The following PKHD1L1 variants were observed in gnomAD, a reference collection of about 807,000 sequenced individuals.
PKHD1L1 encodes the protein fibrocystin-L.
PKHD1L1 carries 434 observed loss-of-function variants against 462.9 expected under a neutral mutation model. The observed-to-expected ratio is 0.94, with a 90% confidence interval of 0.87 to 1.02. The LOEUF (loss-of-function observed/expected upper bound fraction) is 1.02, where lower values mean the gene tolerates loss of function less well. Among genes scored for constraint, PKHD1L1 ranks in the 50% least tolerant of loss-of-function variants. The pLI is 0.00. For missense variants in PKHD1L1, 5,202 were observed against 5,096.1 expected (o/e 1.02, Z -0.63); for synonymous variants, 1,781 against 1,750.0 (o/e 1.02, Z -0.44).
At chr8:109,522,640 C>A in intron 74 of PKHD1L1, 104 bp from the exon 75 acceptor site, 2 of 1,166,736 alleles carry the variant, frequency 1.7e-6, no homozygotes, top group South Asian at 2.0e-5. Context: ...TGAACATATT[C>A]CAAAATAAAT....
At chr8:109,527,534 T>C (rs1031648193) in intron 77 of PKHD1L1, among the ~76,000 whole-genome samples, 1 of 152,054 alleles carries the variant, frequency 6.6e-6, no homozygotes, top group Non-Finnish European at 1.5e-5. Context: ...TGTAAATAAA[T>C]AAATAAATAA....
Position 109,507,698 on chromosome 8 carries a change from G to T in PKHD1L1, c.11030G>T (p.Cys3677Phe), listed in dbSNP as rs1004570484. 8 of 1,613,284 alleles carry T rather than the reference G, an allele frequency of 5.0e-6. No homozygotes were observed. The highest frequency in any genetic ancestry group is 6.8e-6 in the Non-Finnish European group (8 of 1,179,576). The part of the protein sequence containing the change: ...VNPSDCVDMV[C>F]DAKRKSFLRD... Reference sequence around the variant, plus strand: ...CCATCTGATTGTGTAGACATGGTTTGTGATGCCAAGAGGAAATCTTTTCTT... The same window carrying T: ...CCATCTGATTGTGTAGACATGGTTTTTGATGCCAAGAGGAAATCTTTTCTT... The change falls in exon 69 of 78, where the codon TGT becomes TTT. Residue 3677 changes from cysteine to phenylalanine, a missense_variant. Physicochemically the swap from Cys to Phe is radical, Grantham distance 205. Transcript: ENST00000378402.
intron 21 of PKHD1L1, among the ~76,000 whole-genome samples, chr8:109,416,392 A>G (rs952741021): frequency 2.0e-5 from 3 of 152,222 alleles, no homozygotes; most frequent in African/African-American, 7.2e-5. Flanking sequence ...CCTGAAATCT[A>G]TACATGCTGT....
chr8:109,383,102 T>C (rs1318170442), intron 4 of PKHD1L1, among the ~76,000 whole-genome samples: 1 of 115,976 alleles, frequency 8.6e-6, no homozygotes, highest in Non-Finnish European at 1.7e-5. Flanking sequence ...ATATAATATA[T>C]AAATAGTTAT....
Position 109,411,127 on chromosome 8 carries a change from T to C in PKHD1L1, c.2086-1138T>C, listed in dbSNP as rs998781397. On this transcript the variant is annotated intron_variant, in intron 19 of 77. Coordinates refer to ENST00000378402, the MANE Select transcript of PKHD1L1 (RefSeq NM_177531.6). ...TGGGGCATTATATGTTTTTATGTAT[T>C]ATGTAGTTTTATATAATTGCTTCTC... Among the ~76,000 whole-genome samples, 3 of 152,160 alleles carry C rather than the reference T, an allele frequency of 2.0e-5. No individual in the cohort carries two copies. The East Asian group carries it at 5.8e-4, about 29-fold the overall frequency.
intron 2 of PKHD1L1, among the ~76,000 whole-genome samples, chr8:109,365,158 A>C (rs373889121): frequency 6.6e-6 from 1 of 152,190 alleles, no homozygotes; most frequent in African/African-American, 2.4e-5. Flanking sequence ...TCTTAGGATG[A>C]AATGTAGAAG....
chr8:109,403,770 A>G (rs115543957), intron 14 of PKHD1L1, among the ~76,000 whole-genome samples: 1 of 152,284 alleles, frequency 6.6e-6, no homozygotes, highest in African/African-American at 2.4e-5. Context: ...AACTGTGGAT[A>G]CTTATTCTTC....
At chr8:109,455,505 G>A (rs1816771176) in intron 45 of PKHD1L1, among the ~76,000 whole-genome samples, 1 of 152,136 alleles carries the variant, frequency 6.6e-6, no homozygotes, top group Admixed American at 6.5e-5. Flanking sequence ...GTACCTGTCT[G>A]TGATTGCCTG....
At position 109,494,748 on chromosome 8, in the gene PKHD1L1, A is replaced by G. The variant is rs527277724; in HGVS notation, c.10327+997A>G. Among the ~76,000 whole-genome samples, 708 of 152,118 alleles carry G rather than the reference A, an allele frequency of 4.7e-3. 1 individual carries two copies. The highest frequency in any genetic ancestry group is 7.9e-3 in the Non-Finnish European group (536 of 67,890). Reference sequence around the variant, plus strand: ...TACATAAGGAAAGTATAAAAATCATAGAAAGTAATTGGGAACAAGGAGACT... The same window carrying G: ...TACATAAGGAAAGTATAAAAATCATGGAAAGTAATTGGGAACAAGGAGACT... On this transcript the variant is annotated intron_variant, in intron 63 of 77. Transcript: ENST00000378402.
intron 23 of PKHD1L1, among the ~76,000 whole-genome samples, chr8:109,423,946 A>G (rs1014297236): frequency 2.0e-5 from 3 of 152,160 alleles, no homozygotes; most frequent in Admixed American, 6.5e-5. Flanking sequence ...CGATTTCCAC[A>G]TGCTCGTTAT....
intron 50 of PKHD1L1, among the ~76,000 whole-genome samples, chr8:109,472,733 G>T (rs1817787129): frequency 6.6e-6 from 1 of 151,906 alleles, no homozygotes; most frequent in Non-Finnish European, 1.5e-5. Context: ...AAAATCAACT[G>T]TATAGTAAAG....
chr8:109,409,763 G>T (rs1190769386), intron 18 of PKHD1L1, 102 bp from the exon 19 acceptor site: 1 of 526,650 alleles, frequency 1.9e-6, no homozygotes, highest in Non-Finnish European at 3.2e-6. Context: ...TGGGAATTAT[G>T]AAAATGTCCT....
At chr8:109,517,109 T>C (rs569600006) in intron 72 of PKHD1L1, among the ~76,000 whole-genome samples, 1 of 152,238 alleles carries the variant, frequency 6.6e-6, no homozygotes, top group South Asian at 2.1e-4. Context: ...ATGTAAAGAA[T>C]TGATAATGTA....
chr8:109,389,257 T>C (rs1290769311), intron 8 of PKHD1L1, 105 bp downstream of exon 8: 2 of 808,846 alleles, frequency 2.5e-6, no homozygotes, highest in African/African-American at 3.6e-5. Flanking sequence ...GGATCAGGTG[T>C]TTTTGTTTGT....
chr8:109,468,380 C>T (rs1008578442), intron 50 of PKHD1L1, among the ~76,000 whole-genome samples: 3 of 152,114 alleles, frequency 2.0e-5, no homozygotes, highest in African/African-American at 7.2e-5. Flanking sequence ...TCTCTCTGTG[C>T]CCTTTAAGAA....
In PKHD1L1 at chr8:109,485,193, C is replaced by T. The variant is rs765197983; in HGVS notation, c.9706+20C>T. On this transcript the variant is annotated intron_variant, in intron 58 of 77. Coordinates refer to ENST00000378402, the MANE Select transcript of PKHD1L1 (RefSeq NM_177531.6). Reference sequence around the variant, plus strand: ...ACTTTGGTAAGTGGATGCTTTTTAACCAAATAGATATATAATTGTGTTGAA... The same window carrying T: ...ACTTTGGTAAGTGGATGCTTTTTAATCAAATAGATATATAATTGTGTTGAA... 9 of 1,513,010 alleles carry T rather than the reference C, an allele frequency of 5.9e-6. No homozygotes were observed. The South Asian group carries it at 1.2e-4, about 19-fold the overall frequency. 93.7% of individuals were successfully genotyped at this position (1,513,010 alleles called of 1,614,324 possible).
At chr8:109,406,226 G>A (rs751294089) in intron 16 of PKHD1L1, 109 bp from the exon 17 acceptor site, 12 of 1,082,290 alleles carry the variant, frequency 1.1e-5, no homozygotes, top group Non-Finnish European at 1.5e-5. Context: ...ATGGTACAGA[G>A]TATAGGTGCT....
rs1230837480 is a variant in PKHD1L1 at position 109,408,085 on chromosome 8, G to A, written c.1850G>A (p.Gly617Glu). ...CTGCTTGGTTATGAAGTAGTTGAAG[G>A]GAATAATGTCACACTGGATATTACA... is the stretch of plus-strand genomic sequence containing the variant. ...FDLLGYEVVE[G>E]NNVTLDITEQ... The change falls in exon 18 of 78, where the codon GGG becomes GAG. Residue 617 changes from glycine to glutamate, a missense_variant. Around this residue, in one of 3 missense-constraint regions of PKHD1L1, gnomAD observed 4,497 missense variants for 4,336.8 expected, o/e 1.04. Transcript: ENST00000378402. 6.2e-7 allele frequency: 1 copy of A among 1,610,660 alleles called. No individual in the cohort carries two copies. The highest frequency in any genetic ancestry group is 8.5e-7 in the Non-Finnish European group (1 of 1,178,046).
At chr8:109,502,718 A>C (rs1449489281) in intron 67 of PKHD1L1, among the ~76,000 whole-genome samples, 1 of 152,238 alleles carries the variant, frequency 6.6e-6, no homozygotes, top group East Asian at 1.9e-4. Context: ...TTCTTATGCA[A>C]GTGGCTTATT....
Sources: allele counts gnomAD v4.1 joint callset (sites outside exome capture counted in the v4.1 genomes callset), GRCh38; gene constraint gnomAD v4.1.1; regional missense constraint gnomAD v4.1.1; transcripts MANE v1.5; gene names NCBI Gene and HGNC (gene_info 2026-07-23, HGNC 2026-07-21).